Variants in ALKBH8 observed in about 807,000 individuals in gnomAD.
The protein encoded by ALKBH8 is alkB homolog 8, tRNA methyltransferase.
In ALKBH8, 36 loss-of-function variants were observed where a neutral mutation model predicts 59.8. That is an observed-to-expected ratio of 0.60 (90% CI 0.46 to 0.79). ALKBH8 has a LOEUF of 0.79. Among genes scored for constraint, ALKBH8 ranks in the 30% least tolerant of loss-of-function variants. The probability of loss-of-function intolerance (pLI) is 0.00; values close to 1 mark genes in which losing one functional copy is unlikely to be tolerated. For missense variants in ALKBH8, 768 were observed against 801.0 expected (o/e 0.96, Z 0.50); for synonymous variants, 276 against 273.6 (o/e 1.01, Z -0.09).
intron 11 of ALKBH8, among the ~76,000 whole-genome samples, chr11:107,506,578 G>A (rs552203991): frequency 6.6e-5 from 10 of 152,064 alleles, no homozygotes; most frequent in Non-Finnish European, 1.5e-4. Flanking sequence ...TAGCAAATTA[G>A]ATACATTTAC....
chr11:107,506,005 A>G (rs1862369406), intron 11 of ALKBH8, among the ~76,000 whole-genome samples: 1 of 152,234 alleles, frequency 6.6e-6, no homozygotes, highest in Admixed American at 6.5e-5. Context: ...CAGCATGTAC[A>G]CAGGGTGAAA....
chr11:107,538,160 T>C (rs1863900017), intron 7 of ALKBH8, among the ~76,000 whole-genome samples: 1 of 152,138 alleles, frequency 6.6e-6, no homozygotes, highest in South Asian at 2.1e-4. Context: ...TTTCTGTTTT[T>C]TTTTACACAT....
chr11:107,561,100 T>C (rs955544167), intron 1 of ALKBH8, among the ~76,000 whole-genome samples: 4 of 152,192 alleles, frequency 2.6e-5, no homozygotes, highest in Non-Finnish European at 4.4e-5. Context: ...TCTAATAGCA[T>C]AGCTCTGATG....
chr11:107,510,577 C>T (rs1403006439), intron 11 of ALKBH8, among the ~76,000 whole-genome samples: 4 of 152,066 alleles, frequency 2.6e-5, no homozygotes, highest in Non-Finnish European at 5.9e-5. Context: ...AAATTCTCTT[C>T]CAGCTAAAAT....
intron 10 of ALKBH8, among the ~76,000 whole-genome samples, chr11:107,513,810 G>A (rs976450449): frequency 6.6e-6 from 1 of 152,156 alleles, no homozygotes; most frequent in Admixed American, 6.5e-5. Context: ...AATACTGCAT[G>A]TTTTCACGTA....
intron 8 of ALKBH8, 74 bp from the exon 9 acceptor site, chr11:107,525,666 G>T: frequency 1.9e-6 from 2 of 1,039,074 alleles, no homozygotes; most frequent in Non-Finnish European, 2.6e-6. Context: ...AAAATGTTAA[G>T]TGAATAGAGA....
At chr11:107,539,278 T>C (rs950489100) in intron 7 of ALKBH8, among the ~76,000 whole-genome samples, 14 of 152,208 alleles carry the variant, frequency 9.2e-5, no homozygotes, top group African/African-American at 3.1e-4. Context: ...CTATGCCATA[T>C]GGCCTCCTCC....
At chr11:107,523,879 G>T (rs149709002) in intron 9 of ALKBH8, among the ~76,000 whole-genome samples, 3,417 of 152,028 alleles carry the variant, frequency 0.022, 142 homozygotes, top group African/African-American at 0.078. Context: ...TGGGATTACA[G>T]GTGTGAGCCA....
intron 3 of ALKBH8, among the ~76,000 whole-genome samples, chr11:107,554,498 A>C (rs968469496): frequency 6.6e-6 from 1 of 152,210 alleles, no homozygotes. Context: ...TGTGTCCTTC[A>C]AAGTTTCAGA....
intron 10 of ALKBH8, 135 bp from the exon 11 acceptor site, chr11:107,511,171 A>C (rs961186153): frequency 3.4e-6 from 3 of 877,782 alleles, no homozygotes; most frequent in Non-Finnish European, 5.2e-6. Flanking sequence ...CCATGATACT[A>C]TCGGTTCTTA....
At chr11:107,516,403 T>C (rs948096481) in intron 10 of ALKBH8, among the ~76,000 whole-genome samples, 11 of 152,196 alleles carry the variant, frequency 7.2e-5, no homozygotes, top group African/African-American at 2.4e-5. Context: ...AATATTCACA[T>C]GCAGAAGAAT....
At chr11:107,537,811 T>TA (rs1210258479) in intron 7 of ALKBH8, among the ~76,000 whole-genome samples, 1 of 152,098 alleles carries the variant, frequency 6.6e-6, no homozygotes, top group Non-Finnish European at 1.5e-5. Flanking sequence ...AGACAAATGG[T>TA]AAAATTCATG....
At chr11:107,522,916 A>C (rs1469458765) in intron 9 of ALKBH8, among the ~76,000 whole-genome samples, 1 of 152,130 alleles carries the variant, frequency 6.6e-6, no homozygotes, top group Non-Finnish European at 1.5e-5. Flanking sequence ...AACAGTACAG[A>C]GGTTCTTCAA....
At chr11:107,556,174 A>G (rs796483066) in intron 3 of ALKBH8, among the ~76,000 whole-genome samples, 2 of 152,180 alleles carry the variant, frequency 1.3e-5, no homozygotes, top group African/African-American at 4.8e-5. Context: ...GCTACTTAGG[A>G]GGCTGAGGCA....
chr11:107,516,316 C>G lies in ALKBH8; in HGVS notation c.1288-5280G>C, dbSNP rs137972641. ...AGAATACTTCCAAACAGAACACAAC[C>G]AAATTTCCAGTAACTTCTGCCTAAT... is the stretch of plus-strand genomic sequence containing the variant. On this transcript the variant is annotated intron_variant, in intron 10 of 11. Transcript: ENST00000428149. Among the ~76,000 whole-genome samples the G allele has an allele frequency of 8.5e-3, 1,298 of 152,292 alleles. 22 individuals are homozygous for G. Among genetic ancestry groups the G allele is most frequent in the African/African-American group, 0.03 (1,229 of 41,566 alleles).
At chr11:107,553,036 C>T (rs1864559487) in intron 5 of ALKBH8, 72 bp downstream of exon 5, 2 of 882,770 alleles carry the variant, frequency 2.3e-6, no homozygotes, top group South Asian at 4.1e-5. Context: ...AACATAATCC[C>T]CCAACTATCA....
chr11:107,526,929 T>G (rs1863380763), intron 8 of ALKBH8, among the ~76,000 whole-genome samples: 1 of 152,002 alleles, frequency 6.6e-6, no homozygotes, highest in South Asian at 2.1e-4. Context: ...TCCTGATCTA[T>G]CTGTCTATCT....
chr11:107,518,336 C>A (rs1268000537), intron 10 of ALKBH8, among the ~76,000 whole-genome samples: 1 of 152,196 alleles, frequency 6.6e-6, no homozygotes, highest in Non-Finnish European at 1.5e-5. Flanking sequence ...CACTCTGTCA[C>A]CCAGGCTGAA....
intron 8 of ALKBH8, among the ~76,000 whole-genome samples, chr11:107,528,735 G>C (rs1328851516): frequency 6.6e-6 from 1 of 152,096 alleles, no homozygotes; most frequent in Non-Finnish European, 1.5e-5. Flanking sequence ...ATATGTTAAA[G>C]TAATGATTTA....
Sources: allele counts gnomAD v4.1 joint callset (sites outside exome capture counted in the v4.1 genomes callset), GRCh38; gene constraint gnomAD v4.1.1; transcripts MANE v1.5; gene names NCBI Gene and HGNC (gene_info 2026-07-23, HGNC 2026-07-21).